NRG3: variants seen among roughly 807,000 people sequenced by gnomAD.
NRG3 encodes the protein neuregulin 3, also known as pro-neuregulin-3, membrane-bound isoform.
In NRG3, 31 loss-of-function variants were observed where a neutral mutation model predicts 66.9. That is an observed-to-expected ratio of 0.46 (90% CI 0.35 to 0.63). NRG3 has a LOEUF of 0.63. Ranked by LOEUF, NRG3 falls within the 20% of genes least tolerant of loss-of-function variation. NRG3 has a pLI of 0.00. For synonymous variants in NRG3, 393 were observed against 359.4 expected, an observed-to-expected ratio of 1.09 and a Z score of -1.06; for missense variants, 910 against 878.9, an observed-to-expected ratio of 1.04 and a Z score of -0.45.
chr10:82,389,066 T>G (rs965690384), intron 2 of NRG3, among the ~76,000 whole-genome samples: 1 of 152,208 alleles, frequency 6.6e-6, no homozygotes, highest in Non-Finnish European at 1.5e-5. Flanking sequence ...GGTTAGCACA[T>G]GATGGCATCT....
chr10:82,613,174 C>A (rs957119842), intron 2 of NRG3, among the ~76,000 whole-genome samples: 1 of 152,074 alleles, frequency 6.6e-6, no homozygotes, highest in African/African-American at 2.4e-5. Context: ...TGGGAGATGG[C>A]AGTTCAAGAA....
intron 1 of NRG3, among the ~76,000 whole-genome samples, chr10:82,011,296 T>C (rs916496483): frequency 2.0e-5 from 3 of 152,156 alleles, no homozygotes; most frequent in African/African-American, 4.8e-5. Context: ...ATGAGACTTA[T>C]TCACTATTAC....
chr10:82,767,161 A>G (rs1453326469), intron 3 of NRG3, among the ~76,000 whole-genome samples: 1 of 151,824 alleles, frequency 6.6e-6, no homozygotes, highest in Non-Finnish European at 1.5e-5. Flanking sequence ...TAGCAACTCT[A>G]TTAATTCTCT....
intron 1 of NRG3, among the ~76,000 whole-genome samples, chr10:81,893,303 A>G (rs1589373106): frequency 6.6e-6 from 1 of 152,172 alleles, no homozygotes; most frequent in South Asian, 2.1e-4. Flanking sequence ...AACACCTATA[A>G]CCCTATATTT....
chr10:81,985,437 G>A lies in NRG3; in HGVS notation c.823+109274G>A, dbSNP rs957751136. On this transcript the variant is annotated intron_variant, in intron 1 of 8. Transcript: ENST00000372141. ...TTCTTATTTTTCAACTCCAAACTCA[G>A]CCTGTAATTCTCACCAATTTCAAAT... 6.6e-5 allele frequency among the ~76,000 whole-genome samples: 10 copies of A among 152,294 alleles called. No individual in the cohort carries two copies. In the East Asian group the frequency reaches 1.9e-3, roughly 29 times the overall value.
chr10:82,564,013 G>C (rs921365231), intron 2 of NRG3, among the ~76,000 whole-genome samples: 3 of 151,936 alleles, frequency 2.0e-5, no homozygotes, highest in African/African-American at 7.3e-5. Flanking sequence ...AAAATTAAAA[G>C]TACTTCTATT....
At chr10:82,690,024 G>A (rs1050053707) in intron 2 of NRG3, among the ~76,000 whole-genome samples, 1 of 152,034 alleles carries the variant, frequency 6.6e-6, no homozygotes, top group African/African-American at 2.4e-5. Context: ...TTTTTGCCTT[G>A]TTGATTCTTT....
At chr10:81,955,182 TTA>T (rs145918672) in intron 1 of NRG3, among the ~76,000 whole-genome samples, 2 of 147,756 alleles carry the variant, frequency 1.4e-5, no homozygotes, top group Admixed American at 6.8e-5. Context: ...ACTATATATA[TTA>T]TATATATATA....
intron 3 of NRG3, chr10:82,859,141 G>A (rs1230870073): frequency 1.3e-5 from 2 of 152,160 alleles, no homozygotes; most frequent in Non-Finnish European, 2.9e-5. Flanking sequence ...TAGAGACGGG[G>A]TTTCACCGTG....
intron 2 of NRG3, among the ~76,000 whole-genome samples, chr10:82,683,066 C>T (rs962279789): frequency 4.0e-5 from 6 of 149,428 alleles, no homozygotes; most frequent in Non-Finnish European, 8.9e-5. Flanking sequence ...TCACGCCATT[C>T]TCCTGCCTTA....
intron 8 of NRG3, among the ~76,000 whole-genome samples, chr10:82,979,770 T>C (rs1486894264): frequency 1.3e-5 from 2 of 152,328 alleles, no homozygotes; most frequent in East Asian, 1.9e-4. Context: ...CCATTATCCA[T>C]GTAGTTGGCA....
At chr10:81,959,643 A>G (rs1010696554) in intron 1 of NRG3, among the ~76,000 whole-genome samples, 4 of 151,944 alleles carry the variant, frequency 2.6e-5, no homozygotes, top group Non-Finnish European at 4.4e-5. Context: ...TATTGCAAAT[A>G]TGTTCTCCAA....
chr10:82,389,949 TG>T (rs2086243441), intron 2 of NRG3, among the ~76,000 whole-genome samples: 1 of 152,200 alleles, frequency 6.6e-6, no homozygotes, highest in Admixed American at 6.5e-5. Flanking sequence ...GGCCATTTAT[TG>T]TACTGTGGCC....
intron 2 of NRG3, among the ~76,000 whole-genome samples, chr10:82,472,025 G>A (rs1841315782): frequency 6.6e-6 from 1 of 151,882 alleles, no homozygotes; most frequent in African/African-American, 2.4e-5. Flanking sequence ...CTTAATATGA[G>A]TGGATGGTGG....
At chr10:82,280,762 A>G (rs909117342) in intron 1 of NRG3, among the ~76,000 whole-genome samples, 2 of 152,154 alleles carry the variant, frequency 1.3e-5, no homozygotes, top group Admixed American at 1.3e-4. Context: ...CAATAAGGCA[A>G]TTACTTATCT....
intron 1 of NRG3, among the ~76,000 whole-genome samples, chr10:82,102,266 A>G (rs2066808198): frequency 6.7e-6 from 1 of 148,728 alleles, no homozygotes; most frequent in South Asian, 2.1e-4. Context: ...AATTTGTCTG[A>G]TATTGATATA....
chr10:82,395,497 C>T (rs919464600), intron 2 of NRG3, among the ~76,000 whole-genome samples: 52 of 152,166 alleles, frequency 3.4e-4, no homozygotes, highest in Non-Finnish European at 6.3e-4. Flanking sequence ...TACCTTTATC[C>T]TAGTTGTGTA....
intron 1 of NRG3, among the ~76,000 whole-genome samples, chr10:82,161,789 A>G (rs1048541627): frequency 6.6e-6 from 1 of 152,060 alleles, no homozygotes; most frequent in African/African-American, 2.4e-5. Flanking sequence ...AACTGCAATT[A>G]CCCCTATTTG....
intron 2 of NRG3, among the ~76,000 whole-genome samples, chr10:82,458,989 G>C (rs1287667814): frequency 6.6e-6 from 1 of 152,118 alleles, no homozygotes; most frequent in Non-Finnish European, 1.5e-5. Flanking sequence ...TTCACTGGCA[G>C]TTTCTCTTAG....
Sources: allele counts gnomAD v4.1 joint callset (sites outside exome capture counted in the v4.1 genomes callset), GRCh38; gene constraint gnomAD v4.1.1; transcripts MANE v1.5; gene names NCBI Gene and HGNC (gene_info 2026-07-23, HGNC 2026-07-21).